Variants in PCNX2 observed in about 807,000 individuals in gnomAD.
The protein encoded by PCNX2 is pecanex-like protein 2.
A neutral mutation model predicts 223.8 loss-of-function variants in PCNX2; 168 were observed. The ratio of observed to expected loss-of-function variants is 0.75; its 90% CI spans 0.66 to 0.85. The LOEUF is 0.85. PCNX2 is among the 40% of genes least tolerant of loss of function. PCNX2 has a pLI of 0.00. For synonymous variants in PCNX2, 1,006 were observed against 1,052.6 expected (o/e 0.96, Z 0.86); for missense variants, 2,507 against 2,675.5 (o/e 0.94, Z 1.39).
intron 25 of PCNX2, among the ~76,000 whole-genome samples, chr1:233,052,322 G>GC (rs1672036394): frequency 6.6e-6 from 1 of 152,156 alleles, no homozygotes; most frequent in Admixed American, 6.5e-5. Context: ...ATGACAACTT[G>GC]TTTTTGGCTA....
At chr1:233,319,113 A>G in the PCNX2 span, among the ~76,000 whole-genome samples, 3 of 152,062 alleles carry the variant, frequency 2.0e-5, no homozygotes, top group African/African-American at 7.2e-5. Context: ...TCGGGTTGCT[A>G]TCTCCTTATA....
intron 25 of PCNX2, chr1:233,047,590 A>G (rs1671863563): frequency 6.3e-6 from 1 of 158,948 alleles, no homozygotes; most frequent in Non-Finnish European, 1.3e-5. Flanking sequence ...TTAAACCAAC[A>G]ACAGTAAAAC....
rs1016118428 is a variant in PCNX2, at chr1:233,182,940, C to T, written c.3067-3765G>A. Among the ~76,000 whole-genome samples the T allele has an allele frequency of 3.2e-4, 49 of 152,214 alleles. 1 individual carries two copies. The highest frequency in any genetic ancestry group is 3.4e-3 in the Middle Eastern group (1 of 294). On this transcript the variant is annotated intron_variant, in intron 15 of 33. Coordinates refer to ENST00000258229, the MANE Select transcript of PCNX2 (RefSeq NM_014801.4). The stretch of plus-strand genomic sequence containing the variant: ...TTTTCAGGGGCATAGCTGGGCTCTG[C>T]CCCTCAGCAGAGAGCACCTGCCCAC...
At chr1:233,315,884 T>G in the PCNX2 span, among the ~76,000 whole-genome samples, 2 of 152,202 alleles carry the variant, frequency 1.3e-5, no homozygotes, top group African/African-American at 4.8e-5. Context: ...GAATTAGTCA[T>G]TATGTTTGAA....
At chr1:233,089,009 G>GA (rs1673740655) in intron 23 of PCNX2, among the ~76,000 whole-genome samples, 1 of 152,196 alleles carries the variant, frequency 6.6e-6, no homozygotes, top group African/African-American at 2.4e-5. Flanking sequence ...GAGATGAGGT[G>GA]TGAACTCAGG....
At chr1:233,171,190 TATC>T (rs1257102391) in intron 17 of PCNX2, among the ~76,000 whole-genome samples, 1 of 152,198 alleles carries the variant, frequency 6.6e-6, no homozygotes, top group East Asian at 1.9e-4. Context: ...TATATAGTCT[TATC>T]ATGGTTTAAT....
At chr1:233,191,199 C>G (rs994419739) in intron 15 of PCNX2, among the ~76,000 whole-genome samples, 5 of 152,178 alleles carry the variant, frequency 3.3e-5, no homozygotes, top group African/African-American at 1.2e-4. Context: ...CAGCATTTGT[C>G]AAATGCATGT....
intron 17 of PCNX2, among the ~76,000 whole-genome samples, chr1:233,169,085 A>T (rs77579830): frequency 0.079 from 12,054 of 152,152 alleles, 694 homozygotes; most frequent in East Asian, 0.31. Context: ...GGGTTTTAAA[A>T]ATCAAATTAT....
At chr1:233,309,538 C>CAAA in the PCNX2 span, among the ~76,000 whole-genome samples, 51,044 of 140,042 alleles carry the variant, frequency 0.36, 9,232 homozygotes, top group South Asian at 0.4. Flanking sequence ...GAGACTCCCT[C>CAAA]AAAAAAATAA....
At position 233,138,050 on chromosome 1, in the gene PCNX2, A is replaced by G. The variant is rs373851353; in HGVS notation, c.3659+1664T>C. On this transcript the variant is annotated intron_variant, in intron 20 of 33. Coordinates refer to ENST00000258229, the MANE Select transcript of PCNX2 (RefSeq NM_014801.4). The stretch of plus-strand genomic sequence containing the variant: ...GTTTCCTGCTATCCTGTTTGAGAAC[A>G]GTTGGTCTAGTAGGGTGCCTGAAAC... Among the ~76,000 whole-genome samples the G allele has an allele frequency of 1.5e-4, 23 of 152,298 alleles. 1 individual carries two copies. The highest frequency in any genetic ancestry group is 9.6e-4 in the East Asian group (5 of 5,184).
intron 19 of PCNX2, among the ~76,000 whole-genome samples, chr1:233,147,440 A>G (rs926690192): frequency 9.2e-5 from 14 of 152,122 alleles, no homozygotes; most frequent in African/African-American, 3.4e-4. Context: ...CATCCTCATC[A>G]TCTTCACGTT....
intron 15 of PCNX2, among the ~76,000 whole-genome samples, chr1:233,181,492 C>T (rs949340954): frequency 1.3e-5 from 2 of 152,154 alleles, no homozygotes; most frequent in Admixed American, 6.5e-5. Flanking sequence ...CCACCATACC[C>T]GGCCAGTTGC....
intron 31 of PCNX2, 59 bp downstream of exon 31, chr1:232,999,046 C>T: frequency 3.3e-6 from 5 of 1,523,460 alleles, no homozygotes; most frequent in Non-Finnish European, 4.4e-6. Context: ...ACAGAGCTCC[C>T]TGCATCCCCC....
chr1:232,996,607 C>T (rs181951300), intron 32 of PCNX2, among the ~76,000 whole-genome samples: 21 of 152,110 alleles, frequency 1.4e-4, no homozygotes, highest in African/African-American at 4.6e-4. Context: ...ACCTACCTAG[C>T]TTTCTTTCTG....
At chr1:233,265,475 T>TC (rs763598616) in intron 1 of PCNX2, among the ~76,000 whole-genome samples, 2 of 152,130 alleles carry the variant, frequency 1.3e-5, no homozygotes, top group Admixed American at 6.6e-5. Flanking sequence ...GCTAGGTGCC[T>TC]CCCGCATCCC....
chr1:233,280,207 A>G (rs893671117), intron 1 of PCNX2, among the ~76,000 whole-genome samples: 1 of 152,110 alleles, frequency 6.6e-6, no homozygotes, highest in African/African-American at 2.4e-5. Flanking sequence ...GTCATCTGCT[A>G]TAACAAATAG....
intron 23 of PCNX2, among the ~76,000 whole-genome samples, chr1:233,061,145 G>A (rs868690767): frequency 6.6e-6 from 1 of 152,198 alleles, no homozygotes; most frequent in Non-Finnish European, 1.5e-5. Flanking sequence ...TGAGAAGTTT[G>A]GTGGGGGTCT....
At chr1:233,022,077 C>A (rs1457621815) in intron 26 of PCNX2, among the ~76,000 whole-genome samples, 1 of 152,186 alleles carries the variant, frequency 6.6e-6, no homozygotes, top group East Asian at 1.9e-4. Flanking sequence ...CGGTGATCTG[C>A]TGGCCCCATG....
intron 13 of PCNX2, among the ~76,000 whole-genome samples, chr1:233,200,950 C>CG (rs1681056151): frequency 6.9e-6 from 1 of 144,282 alleles, no homozygotes. Context: ...GGCGTGAACC[C>CG]GGGAGGCGGA....
Sources: gnomAD v4.1 joint callset for allele counts (sites outside exome capture counted in the v4.1 genomes callset) on GRCh38, gnomAD v4.1.1 for gene constraint, MANE v1.5 for transcripts, NCBI Gene and HGNC (gene_info 2026-07-23, HGNC 2026-07-21) for gene names.